Variants in MAP3K14 observed in about 807,000 individuals in gnomAD.
The protein encoded by MAP3K14 is mitogen-activated protein kinase kinase kinase 14, also known as NF-kappa-beta-inducing kinase.
A neutral mutation model predicts 99.2 loss-of-function variants in MAP3K14; 16 were observed. The observed-to-expected ratio is 0.16, with a 90% CI of 0.11 to 0.24. The LOEUF (loss-of-function observed/expected upper bound fraction) is 0.24. Among genes scored for constraint, MAP3K14 ranks in the 10% least tolerant of loss-of-function variants. The pLI, the probability that MAP3K14 is intolerant of heterozygous loss-of-function variation, is 1.00. For synonymous variants in MAP3K14, 462 were observed against 492.4 expected (o/e 0.94, Z 0.82); for missense variants, 784 against 1,208.7 (o/e 0.65, Z 5.21).
intron 2 of MAP3K14, among the ~76,000 whole-genome samples, chr17:45,290,253 C>T (rs2143829808): frequency 6.6e-6 from 1 of 152,304 alleles, no homozygotes; most frequent in African/African-American, 2.4e-5. Context: ...CGTCTGTTAC[C>T]TCTCTTCCCC....
intron 15 of MAP3K14, among the ~76,000 whole-genome samples, 155 bp downstream of exon 15, chr17:45,265,008 G>A (rs2044063849): frequency 1.3e-5 from 2 of 152,184 alleles, no homozygotes; most frequent in Admixed American, 1.3e-4. Context: ...TGAGGCCCTG[G>A]GAAATGCTTT....
chr17:45,266,408 T>TCTGG, intron 14 of MAP3K14, 129 bp downstream of exon 14: 1 of 1,259,726 alleles, frequency 7.9e-7, no homozygotes. Context: ...AACCTCAAGT[T>TCTGG]CTGGGACCAG....
At chr17:45,273,667 C>T (rs746330013) in intron 8 of MAP3K14, 60 bp from the exon 9 acceptor site, 1 of 1,379,946 alleles carries the variant, frequency 7.2e-7, no homozygotes, top group African/African-American at 1.4e-5. Context: ...CCCAGCCCAC[C>T]CTGGCTCGGT....
intron 9 of MAP3K14, among the ~76,000 whole-genome samples, chr17:45,271,947 A>G (rs1410752754): frequency 1.3e-5 from 2 of 152,232 alleles, no homozygotes; most frequent in Non-Finnish European, 2.9e-5. Context: ...GACTGAAAGG[A>G]TAGATGGCAG....
In MAP3K14 at chr17:45,284,719, C is replaced by G. The variant is rs563500556; in HGVS notation, c.1290+93G>C. 113 of 1,439,068 alleles carry G rather than the reference C, an allele frequency of 7.9e-5. No individual in the cohort carries two copies. The African/African-American group carries it at 1.4e-3, about 18-fold the overall frequency. The allele number at this position is 1,439,068 out of a possible 1,614,324, so 89.1% of individuals were successfully genotyped here. ...TCTGTTCACAAGTCAGACCCACGGC[C>G]ACCCTGCGACTGTCCTGGACAGAAA... On this transcript the variant is annotated intron_variant, in intron 6 of 15. Transcript: ENST00000344686.
chr17:45,288,804 T>A (rs965341827), intron 3 of MAP3K14, among the ~76,000 whole-genome samples: 2 of 152,042 alleles, frequency 1.3e-5, no homozygotes, highest in African/African-American at 2.4e-5. Flanking sequence ...ACCGCCCGCA[T>A]CCCTACTCGG....
intron 1 of MAP3K14, among the ~76,000 whole-genome samples, chr17:45,302,589 T>G (rs1210603275): frequency 1.3e-5 from 2 of 152,228 alleles, no homozygotes. Flanking sequence ...ATTACAGGCA[T>G]GAGCCACTGT....
At chr17:45,306,307 T>A (rs2044429799) in intron 1 of MAP3K14, among the ~76,000 whole-genome samples, 1 of 149,370 alleles carries the variant, frequency 6.7e-6, no homozygotes, top group Non-Finnish European at 1.5e-5. Context: ...CATGACACTC[T>A]TCCTACTCCC....
At chr17:45,303,465 G>A (rs1035444557) in intron 1 of MAP3K14, among the ~76,000 whole-genome samples, 17 of 152,208 alleles carry the variant, frequency 1.1e-4, no homozygotes, top group African/African-American at 3.6e-4. Context: ...GGAGGCTAAC[G>A]CAGGAGAATC....
chr17:45,286,669 G>T lies in MAP3K14; in HGVS notation c.914C>A (p.Ala305Asp). The stretch of plus-strand genomic sequence containing the variant: ...CAGGGGCTTTGGACTGTCTACACAG[G>T]CCAGTTTGCTCAGGTGTGGGTCAGG... ...PLPDPHLSKLACVDSPKPLPG... is the reference protein window; with the variant it reads ...PLPDPHLSKLDCVDSPKPLPG... The change falls in exon 5 of 16, where the codon GCC becomes GAC. Residue 305 changes from alanine to aspartate, a missense_variant. Physicochemically the swap from Ala to Asp is moderately radical, Grantham distance 126 (BLOSUM62 -2). Coordinates refer to ENST00000344686, the MANE Select transcript of MAP3K14 (RefSeq NM_003954.5). This position sits in a 1 kb window ranked among gnomAD's most constrained non-coding sequence, Gnocchi z 4.1. The T allele has an allele frequency of 2.5e-6, 4 of 1,610,342 alleles. No homozygotes were observed. Among genetic ancestry groups the T allele is most frequent in the Non-Finnish European group, 3.4e-6 (4 of 1,178,522 alleles).
intron 1 of MAP3K14, among the ~76,000 whole-genome samples, chr17:45,311,859 G>A (rs1284125753): frequency 6.6e-6 from 1 of 152,168 alleles, no homozygotes; most frequent in Admixed American, 6.5e-5. Context: ...CTCCCCTCCT[G>A]CTTCTTTGCT....
chr17:45,308,829 G>A (rs950603888), intron 1 of MAP3K14, among the ~76,000 whole-genome samples: 1 of 151,978 alleles, frequency 6.6e-6, no homozygotes, highest in African/African-American at 2.4e-5. Flanking sequence ...CAACACACCT[G>A]GCTAATTTTT....
intron 1 of MAP3K14, among the ~76,000 whole-genome samples, chr17:45,307,460 T>G (rs913459331): frequency 2.6e-5 from 4 of 152,000 alleles, no homozygotes; most frequent in African/African-American, 7.2e-5. Context: ...ACACAGCCAG[T>G]TTCTTTGATG....
In MAP3K14 at chr17:45,267,037, G is replaced by A; in HGVS notation, c.2433+55C>T. Reference sequence around the variant, plus strand: ...ACGCAAAGCTACTTGCTCTGTGCCAGGGCCGGGAAAACCACACCCCTGGAG... The same window carrying A: ...ACGCAAAGCTACTTGCTCTGTGCCAAGGCCGGGAAAACCACACCCCTGGAG... On this transcript the variant is annotated intron_variant, in intron 13 of 15. Coordinates refer to ENST00000344686, the MANE Select transcript of MAP3K14 (RefSeq NM_003954.5). This position sits in a 1 kb window ranked among gnomAD's most constrained non-coding sequence, Gnocchi z 5.1. 7.6e-7 allele frequency: 1 copy of A among 1,311,714 alleles called. No homozygotes were observed. The highest frequency in any genetic ancestry group is 1.1e-6 in the Non-Finnish European group (1 of 930,218). The allele number at this position is 1,311,714 out of a possible 1,614,324, so 81.3% of individuals were successfully genotyped here.
intron 9 of MAP3K14, 120 bp from the exon 10 acceptor site, chr17:45,271,341 T>C: frequency 2.4e-6 from 2 of 820,730 alleles, no homozygotes; most frequent in Non-Finnish European, 3.6e-6. Flanking sequence ...GTACTTTTTA[T>C]TTTATTATCT....
At chr17:45,268,426 A>G (rs1012111880) in intron 11 of MAP3K14, 1 of 151,706 alleles carries the variant, frequency 6.6e-6, no homozygotes, top group Non-Finnish European at 1.5e-5. Context: ...TTTTATTTTT[A>G]TTTTTTTAAA....
chr17:45,285,949 C>T (rs1164925348), intron 5 of MAP3K14, among the ~76,000 whole-genome samples: 1 of 141,578 alleles, frequency 7.1e-6, no homozygotes, highest in Non-Finnish European at 1.5e-5. Flanking sequence ...GAGACTCTGT[C>T]TCAAAAAACA....
At chr17:45,276,819 A>G (rs1251365178) in intron 6 of MAP3K14, among the ~76,000 whole-genome samples, 335 of 83,026 alleles carry the variant, frequency 4.0e-3, no homozygotes, top group Middle Eastern at 0.026. Flanking sequence ...GGCCTCTTAG[A>G]CTTCTTTTTT....
intron 2 of MAP3K14, 119 bp from the exon 3 acceptor site, chr17:45,289,424 C>G (rs1032060992): frequency 5.3e-6 from 4 of 753,898 alleles, no homozygotes; most frequent in Non-Finnish European, 9.1e-6. Flanking sequence ...TTCCAGACAA[C>G]CCCTGTCTGG....
Sources: gnomAD v4.1 joint callset for allele counts (sites outside exome capture counted in the v4.1 genomes callset) on GRCh38, gnomAD v4.1.1 for gene constraint, Gnocchi (gnomAD v3.1) non-coding constraint, MANE v1.5 for transcripts, NCBI Gene and HGNC (gene_info 2026-07-23, HGNC 2026-07-21) for gene names.